Variants in FHIT observed in about 807,000 individuals in gnomAD.
FHIT encodes fragile histidine triad diadenosine triphosphatase, also known as bis(5'-adenosyl)-triphosphatase.
In FHIT, 19 loss-of-function variants were observed where a neutral mutation model predicts 17.9. That is an observed-to-expected ratio of 1.06 (90% CI 0.74 to 1.56). The LOEUF (loss-of-function observed/expected upper bound fraction) is 1.56, where lower values mean the gene tolerates loss of function less well. FHIT is among the 40% of genes most tolerant of loss of function. The pLI is 0.00. For synonymous variants in FHIT, 81 were observed against 69.7 expected (o/e 1.16, Z -0.81); for missense variants, 248 against 189.2 (o/e 1.31, Z -1.82).
At chr3:60,906,332 G>C (rs1706415024) in intron 3 of FHIT, among the ~76,000 whole-genome samples, 1 of 152,144 alleles carries the variant, frequency 6.6e-6, no homozygotes, top group Non-Finnish European at 1.5e-5. Context: ...ATGAGGGAAA[G>C]TGCGGAAGAA....
At chr3:60,359,572 C>T (rs1259405082) in intron 5 of FHIT, among the ~76,000 whole-genome samples, 2 of 152,170 alleles carry the variant, frequency 1.3e-5, no homozygotes, top group African/African-American at 4.8e-5. Context: ...AGCCACTGTG[C>T]CCGGCCTGAA....
At chr3:59,891,451 T>G (rs562079007) in intron 8 of FHIT, among the ~76,000 whole-genome samples, 136 of 152,310 alleles carry the variant, frequency 8.9e-4, no homozygotes, top group African/African-American at 3.1e-3. Context: ...GTAAGCAACC[T>G]GAGAAGGACT....
chr3:60,772,745 C>G (rs1700087609), intron 4 of FHIT, among the ~76,000 whole-genome samples: 1 of 152,106 alleles, frequency 6.6e-6, no homozygotes, highest in African/African-American at 2.4e-5. Context: ...TGCAACTTCC[C>G]TAATTACTCC....
At chr3:60,262,515 T>G (rs1382524349) in intron 5 of FHIT, among the ~76,000 whole-genome samples, 1 of 151,986 alleles carries the variant, frequency 6.6e-6, no homozygotes, top group Non-Finnish European at 1.5e-5. Flanking sequence ...CCAAATGACT[T>G]AGATATGACT....
At chr3:60,161,056 G>T (rs1016697964) in intron 5 of FHIT, among the ~76,000 whole-genome samples, 14 of 152,200 alleles carry the variant, frequency 9.2e-5, no homozygotes, top group Non-Finnish European at 1.9e-4. Context: ...GGAGTTTCTG[G>T]CCACTTAAAA....
intron 1 of FHIT, among the ~76,000 whole-genome samples, chr3:61,226,237 G>A (rs1047174462): frequency 2.6e-5 from 4 of 152,160 alleles, no homozygotes; most frequent in Admixed American, 2.6e-4. Context: ...CTTACTGAAA[G>A]AAGGTGCTAG....
Position 60,004,652 on chromosome 3 carries a change from A to G in FHIT, c.279+6719T>C, listed in dbSNP as rs117417011. ...ACAGGATACAACATATTTCTTTAGG[A>G]ACAGCCTGGTCATATGATATAATGA... On this transcript the variant is annotated intron_variant, in intron 7 of 9. Coordinates refer to ENST00000492590, the MANE Select transcript of FHIT (RefSeq NM_002012.4). Among the ~76,000 whole-genome samples, 160 of 152,302 alleles carry G rather than the reference A, an allele frequency of 1.1e-3. 3 individuals carry two copies. In the East Asian group the frequency reaches 0.029, roughly 28 times the overall value.
At chr3:60,270,516 G>C (rs750536445) in intron 5 of FHIT, among the ~76,000 whole-genome samples, 4 of 152,186 alleles carry the variant, frequency 2.6e-5, no homozygotes, top group Non-Finnish European at 5.9e-5. Flanking sequence ...ACTCATAAAA[G>C]ATGTTCAAGT....
At chr3:61,045,402 A>G (rs991056356) in intron 2 of FHIT, among the ~76,000 whole-genome samples, 1 of 152,240 alleles carries the variant, frequency 6.6e-6, no homozygotes, top group East Asian at 1.9e-4. Flanking sequence ...AGGCCGTTAC[A>G]TAATGGTAAA....
At chr3:60,384,596 A>G (rs890210371) in intron 5 of FHIT, among the ~76,000 whole-genome samples, 3 of 152,186 alleles carry the variant, frequency 2.0e-5, no homozygotes, top group Non-Finnish European at 4.4e-5. Context: ...GAAACTGGTC[A>G]GTCATGGACA....
chr3:60,730,946 C>T (rs1322997423), intron 4 of FHIT, among the ~76,000 whole-genome samples: 1 of 115,756 alleles, frequency 8.6e-6, no homozygotes, highest in African/African-American at 3.3e-5. Context: ...GAAACCCAGT[C>T]TCTAATAAAA....
intron 4 of FHIT, among the ~76,000 whole-genome samples, chr3:60,717,673 T>C (rs2041717125): frequency 6.6e-6 from 1 of 152,208 alleles, no homozygotes; most frequent in African/African-American, 2.4e-5. Flanking sequence ...CTTTAAGTGT[T>C]CTAGAGCAGT....
chr3:60,077,649 A>C (rs1703073962), intron 5 of FHIT: 1 of 150,806 alleles, frequency 6.6e-6, no homozygotes, highest in Admixed American at 6.7e-5. Flanking sequence ...ATAATATCCC[A>C]GAGACTACAG....
intron 1 of FHIT, among the ~76,000 whole-genome samples, chr3:61,237,573 T>C (rs2040263660): frequency 1.3e-5 from 2 of 152,176 alleles, no homozygotes; most frequent in South Asian, 4.1e-4. Context: ...AGTTATGATT[T>C]ATAAAGTAAA....
chr3:60,824,492 C>A (rs540100828), intron 3 of FHIT, among the ~76,000 whole-genome samples: 1 of 152,054 alleles, frequency 6.6e-6, no homozygotes, highest in South Asian at 2.1e-4. Context: ...CTCCTAAAAT[C>A]AACAAAAAGA....
At chr3:60,578,856 T>C (rs1202061395) in intron 4 of FHIT, among the ~76,000 whole-genome samples, 1 of 152,160 alleles carries the variant, frequency 6.6e-6, no homozygotes, top group Non-Finnish European at 1.5e-5. Context: ...TTTATTCTTT[T>C]ACTATTACAG....
At chr3:59,986,773 A>ATATACATATATTT (rs1559524629) in intron 7 of FHIT, among the ~76,000 whole-genome samples, 2 of 5,344 alleles carry the variant, frequency 3.7e-4, no homozygotes, top group Non-Finnish European at 5.5e-4. Flanking sequence ...TATTTATATA[A>ATATACATATATTT]ATATATAAAT....
At chr3:60,919,414 T>A (rs1213231799) in intron 3 of FHIT, among the ~76,000 whole-genome samples, 1 of 151,366 alleles carries the variant, frequency 6.6e-6, no homozygotes, top group East Asian at 1.9e-4. Flanking sequence ...TTTTTTTTTT[T>A]AAAGCTGTCT....
intron 3 of FHIT, among the ~76,000 whole-genome samples, chr3:60,848,470 C>T (rs543701086): frequency 3.9e-5 from 6 of 152,274 alleles, no homozygotes; most frequent in Middle Eastern, 3.4e-3. Context: ...CACATTCTTT[C>T]AACCCATGCC....
Sources: gnomAD v4.1 joint callset for allele counts (sites outside exome capture counted in the v4.1 genomes callset) on GRCh38, gnomAD v4.1.1 for gene constraint, MANE v1.5 for transcripts, NCBI Gene and HGNC (gene_info 2026-07-23, HGNC 2026-07-21) for gene names.